The following INPP4B variants were observed in gnomAD, a reference collection of about 807,000 sequenced individuals.
INPP4B encodes the protein inositol polyphosphate 4-phosphatase type II.
INPP4B carries 55 observed loss-of-function variants against 122.5 expected under a neutral mutation model. The ratio of observed to expected loss-of-function variants is 0.45; its 90% CI spans 0.36 to 0.56. The LOEUF (loss-of-function observed/expected upper bound fraction) is 0.56. INPP4B is among the 20% of genes least tolerant of loss of function. The probability of loss-of-function intolerance (pLI) is 0.00; values close to 1 mark genes in which losing one functional copy is unlikely to be tolerated. For synonymous variants in INPP4B, 403 were observed against 388.7 expected, an observed-to-expected ratio of 1.04 and a Z score of -0.43; for missense variants, 1,000 against 1,097.7, an observed-to-expected ratio of 0.91 and a Z score of 1.26.
At chr4:142,514,323 C>G (rs1354308281) in intron 2 of INPP4B, 1 of 152,186 alleles carries the variant, frequency 6.6e-6, no homozygotes, top group Non-Finnish European at 1.5e-5. Flanking sequence ...AAGCCAATGC[C>G]TTTGTTACAT....
At chr4:142,620,131 G>A (rs1185294665) in intron 2 of INPP4B, among the ~76,000 whole-genome samples, 1 of 151,852 alleles carries the variant, frequency 6.6e-6, no homozygotes, top group Admixed American at 6.6e-5. Context: ...ACTACCATTC[G>A]GCCCAACAAT....
At chr4:142,481,805 G>A (rs763475022) in intron 2 of INPP4B, among the ~76,000 whole-genome samples, 10 of 152,090 alleles carry the variant, frequency 6.6e-5, no homozygotes, top group Admixed American at 2.6e-4. Context: ...AATCTGTTCC[G>A]TTCTAGTATT....
intron 1 of INPP4B, among the ~76,000 whole-genome samples, chr4:142,766,525 C>A (rs867841423): frequency 6.6e-6 from 1 of 151,890 alleles, no homozygotes; most frequent in Non-Finnish European, 1.5e-5. Flanking sequence ...CGTGCACCAC[C>A]GCACTCAGCT....
At chr4:142,274,105 A>G (rs1253502935) in intron 9 of INPP4B, among the ~76,000 whole-genome samples, 1 of 151,876 alleles carries the variant, frequency 6.6e-6, no homozygotes, top group East Asian at 1.9e-4. Context: ...TATGCTTTCA[A>G]TTTATCACCT....
chr4:142,638,745 A>T (rs771700825), intron 2 of INPP4B, among the ~76,000 whole-genome samples: 1 of 151,706 alleles, frequency 6.6e-6, no homozygotes, highest in Non-Finnish European at 1.5e-5. Context: ...ACGGGGTTTC[A>T]CCATGTTAGC....
chr4:142,033,344 C>A (rs1160657720), intron 25 of INPP4B, among the ~76,000 whole-genome samples: 1 of 152,142 alleles, frequency 6.6e-6, no homozygotes, highest in Non-Finnish European at 1.5e-5. Context: ...CCCTCTGGAC[C>A]ATGGGCCAGT....
chr4:142,537,750 TGTGTGTGTGTGTGTG>T (rs1828464826), intron 2 of INPP4B, among the ~76,000 whole-genome samples: 2 of 93,470 alleles, frequency 2.1e-5, no homozygotes, highest in East Asian at 8.6e-3. Flanking sequence ...AGTGTGTGTG[TGTGTGTGTGTGTGTG>T]TGTGTGTGTG....
chr4:142,084,902 CCGT>C (rs1383471979), intron 24 of INPP4B, among the ~76,000 whole-genome samples: 1 of 152,078 alleles, frequency 6.6e-6, no homozygotes, highest in Non-Finnish European at 1.5e-5. Flanking sequence ...TATCTTCATG[CCGT>C]CATGTTTTCA....
intron 1 of INPP4B, among the ~76,000 whole-genome samples, chr4:142,787,305 C>A (rs2151050515): frequency 6.6e-6 from 1 of 152,176 alleles, no homozygotes; most frequent in African/African-American, 2.4e-5. Context: ...GCAGTCTCTG[C>A]TCTCATGAAT....
intron 16 of INPP4B, among the ~76,000 whole-genome samples, chr4:142,171,810 G>C (rs548519084): frequency 6.6e-6 from 1 of 151,922 alleles, no homozygotes; most frequent in Admixed American, 6.6e-5. Context: ...TGGATTCAAG[G>C]AGCAGAAAAT....
chr4:142,244,374 A>G (rs1411212369), intron 11 of INPP4B, among the ~76,000 whole-genome samples: 1 of 132,340 alleles, frequency 7.6e-6, no homozygotes, highest in Admixed American at 9.3e-5. Flanking sequence ...ATCTCGGCTC[A>G]CTGCAAGCTC....
chr4:142,794,859 G>A (rs1222152361), intron 1 of INPP4B, among the ~76,000 whole-genome samples: 1 of 151,876 alleles, frequency 6.6e-6, no homozygotes, highest in African/African-American at 2.4e-5. Context: ...GCAGTAAGAT[G>A]TAAATACATT....
At chr4:142,193,823 C>A (rs1019945211) in intron 14 of INPP4B, among the ~76,000 whole-genome samples, 4 of 152,200 alleles carry the variant, frequency 2.6e-5, no homozygotes, top group African/African-American at 7.2e-5. Flanking sequence ...AACAAAAAAT[C>A]CATACACTTA....
At chr4:142,475,733 G>A (rs919845424) in intron 2 of INPP4B, among the ~76,000 whole-genome samples, 1 of 152,088 alleles carries the variant, frequency 6.6e-6, no homozygotes, top group Non-Finnish European at 1.5e-5. Context: ...CAACCAAGAG[G>A]AGGAAAGAAT....
At chr4:142,537,964 A>C (rs986958928) in intron 2 of INPP4B, among the ~76,000 whole-genome samples, 18 of 151,666 alleles carry the variant, frequency 1.2e-4, no homozygotes, top group African/African-American at 4.4e-4. Flanking sequence ...GGATGTAAAA[A>C]CTCTTTTTCA....
intron 7 of INPP4B, among the ~76,000 whole-genome samples, chr4:142,348,188 G>A (rs556404408): frequency 6.6e-6 from 1 of 152,006 alleles, no homozygotes; most frequent in Non-Finnish European, 1.5e-5. Flanking sequence ...TGAAGAGGGC[G>A]CATGGTAGAT....
intron 18 of INPP4B, among the ~76,000 whole-genome samples, chr4:142,138,825 C>T (rs1806150665): frequency 6.6e-6 from 1 of 152,154 alleles, no homozygotes; most frequent in Admixed American, 6.5e-5. Flanking sequence ...ATTATTACCC[C>T]TCCTTTGATA....
At chr4:142,274,629 T>C (rs1448761146) in intron 9 of INPP4B, among the ~76,000 whole-genome samples, 1 of 151,864 alleles carries the variant, frequency 6.6e-6, no homozygotes, top group Non-Finnish European at 1.5e-5. Flanking sequence ...CAGATGTATA[T>C]AGCAATTATG....
At position 142,405,332 on chromosome 4, in the gene INPP4B, C is replaced by A. The variant is rs749897238; in HGVS notation, c.137-8G>T. On this transcript the variant is annotated splice_polypyrimidine_tract_variant and splice_region_variant and intron_variant, in intron 5 of 25. Transcript: ENST00000262992. ...CCACGAGATCCTTGCATGCTGGCAA[C>A]GGCAGAGGAGACAGAAAGAAAAGAA... is the stretch of plus-strand genomic sequence containing the variant. The A allele has an allele frequency of 1.2e-5, 18 of 1,519,032 alleles. No homozygotes were observed. The highest frequency in any genetic ancestry group is 1.6e-5 in the Non-Finnish European group (18 of 1,094,376). 94.1% of individuals were successfully genotyped at this position (1,519,032 alleles called of 1,614,324 possible). A position where few individuals can be genotyped will look rare whatever the true frequency, so the allele number is the denominator to read the frequency against.
Sources: allele counts gnomAD v4.1 joint callset (sites outside exome capture counted in the v4.1 genomes callset), GRCh38; gene constraint gnomAD v4.1.1; transcripts MANE v1.5; gene names NCBI Gene and HGNC (gene_info 2026-07-23, HGNC 2026-07-21).